Variants in APBB3 observed in about 807,000 individuals in gnomAD.
APBB3 encodes the protein amyloid-beta A4 precursor protein-binding family B member 3.
In APBB3, 50 loss-of-function variants were observed where a neutral mutation model predicts 61.5. That is an observed-to-expected ratio of 0.81 (90% confidence interval 0.65 to 1.03). APBB3 has a LOEUF of 1.03. Ranked by LOEUF, APBB3 falls within the 50% of genes least tolerant of loss-of-function variation. The pLI is 0.00. For missense variants in APBB3, 550 were observed against 637.4 expected (o/e 0.86, Z 1.48); for synonymous variants, 235 against 233.0 (o/e 1.01, Z -0.08).
intron 6 of APBB3, 94 bp from the exon 7 acceptor site, chr5:140,561,943 C>A (rs1290167926): frequency 6.2e-7 from 1 of 1,611,604 alleles, no homozygotes. Flanking sequence ...CCACCCTCCC[C>A]AACCAGGGCT....
chr5:140,562,357 C>G lies in APBB3; in HGVS notation c.494G>C (p.Gly165Ala). 6.2e-7 allele frequency: 1 copy of G among 1,613,944 alleles called. No individual in the cohort carries two copies. The highest frequency in any genetic ancestry group is 8.5e-7 in the Non-Finnish European group (1 of 1,179,898). ...SRSQPPDGAWGEGQNMLMILK... is the reference protein window; with the variant it reads ...SRSQPPDGAWAEGQNMLMILK... ...TAAAGGGCCCAGCCAACTCACCTCA[C>G]CCCAGGCACCATCTGGAGGCTGGCT... Residue 165 changes from glycine (G) to alanine (A), a missense_variant, in exon 5 of 13, where the codon GGT becomes GCT. This residue lies in a region of APBB3 where 405 missense variants were observed against 483.4 expected (regional missense o/e 0.84). Coordinates refer to ENST00000357560, the MANE Select transcript of APBB3 (RefSeq NM_133173.3).
Position 140,558,606 on chromosome 5 carries a change from G to A in APBB3, c.1440C>T (p.Pro480=). ...AAGTTTAGGGCATATGGAGCAGAGA[G>A]GGTTTCAGCCGGAAGGCATCAAGAA... ...FSFLDAFRLK[P]SLLHMP Residue 480 remains proline (P), a synonymous_variant, in exon 13 of 13, where the codon CCC becomes CCT. Transcript: ENST00000357560. 1.2e-6 allele frequency: 2 copies of A among 1,614,190 alleles called. No homozygotes were observed. Among genetic ancestry groups the A allele is most frequent in the South Asian group, 1.1e-5 (1 of 91,074 alleles).
Position 140,558,772 on chromosome 5 carries a change from C to T in APBB3, c.1274G>A (p.Trp425Ter). 1 of 1,610,398 alleles carries T rather than the reference C, an allele frequency of 6.2e-7. No individual in the cohort carries two copies. Among genetic ancestry groups the T allele is most frequent in the Non-Finnish European group, 8.5e-7 (1 of 1,179,082 alleles). The part of the protein sequence containing the change: ...LVASAARGKA[W>*]GAQARARLRL... ...CAGGCGGGCACGGGCCTGGGCACCC[C>T]AGGCCTTGCCTCGAGCTGCAGAGGC... The change falls in exon 13 of 13, where the codon TGG becomes TAG. Residue 425 changes from tryptophan (W) to a stop codon, truncating the protein, a stop_gained. Coordinates refer to ENST00000357560, the MANE Select transcript of APBB3 (RefSeq NM_133173.3). LOFTEE classifies it high-confidence loss of function.
Position 140,560,359 on chromosome 5 carries a change from T to A in APBB3, c.1178A>T (p.Gln393Leu), listed in dbSNP as rs1388548037. Residue 393 changes from glutamine (Q) to leucine (L), a missense_variant, in exon 12 of 13, where the codon CAG becomes CTG. Around this residue, in one of 3 missense-constraint regions of APBB3, gnomAD observed 138 missense variants for 132.6 expected, o/e 1.04. Coordinates refer to ENST00000357560, the MANE Select transcript of APBB3 (RefSeq NM_133173.3). This position sits in a 1 kb window ranked among gnomAD's most constrained non-coding sequence, Gnocchi z 5.1. ...TTCAGAGAGTCCCCCTGCATGGGGC[T>A]GGCACCAGAAGGCTGCGCACTGGAA... ...QSFQCAAFWC[Q>L]PHAGGLSEAV... The A allele has an allele frequency of 6.2e-7, 1 of 1,613,138 alleles. No homozygotes were observed. The highest frequency in any genetic ancestry group is 1.7e-5 in the Admixed American group (1 of 59,968).
At position 140,558,494 on chromosome 5, in the gene APBB3, A is replaced by G. The variant is rs1754795271; in HGVS notation, c.*91T>C. On this transcript the variant is annotated 3_prime_UTR_variant, in exon 13 of 13. Transcript: ENST00000357560. ...CGGAGGGACAGGCAGAGAAGGCTTC[A>G]AGGAGTGACAGGCTATAGGCCTTGA... The G allele has an allele frequency of 1.2e-5, 15 of 1,241,774 alleles. No individual in the cohort carries two copies. Among genetic ancestry groups the G allele is most frequent in the South Asian group, 1.2e-5 (1 of 82,530 alleles). The allele number at this position is 1,241,774 out of a possible 1,614,324, so 76.9% of individuals were successfully genotyped here.
rs994087660 is a variant in APBB3 at position 140,558,616 on chromosome 5, C to T, written c.1430G>A (p.Arg477Gln). Residue 477 changes from arginine (R) to glutamine (Q), a missense_variant, in exon 13 of 13, where the codon CGG becomes CAG. Physicochemically the swap from Arg to Gln is conservative, Grantham distance 43. Transcript: ENST00000357560. ...CATATGGAGCAGAGAGGGTTTCAGCCGGAAGGCATCAAGAAAAGAGAAGAC... is the reference window on the plus strand; with the variant it reads ...CATATGGAGCAGAGAGGGTTTCAGCTGGAAGGCATCAAGAAAAGAGAAGAC... Reference protein sequence around the residue: ...RGVFSFLDAFRLKPSLLHMP With the variant: ...RGVFSFLDAFQLKPSLLHMP 1.9e-5 allele frequency: 30 copies of T among 1,614,026 alleles called. No homozygotes were observed. Among genetic ancestry groups the T allele is most frequent in the Non-Finnish European group, 2.2e-5 (26 of 1,180,020 alleles).
chr5:140,558,448 A>T lies in APBB3; in HGVS notation c.*137T>A. The stretch of plus-strand genomic sequence containing the variant: ...CCGTATAAACAATAAATTGGGCAAT[A>T]AATAGACGGTGGACAAGGATCGGAG... On this transcript the variant is annotated 3_prime_UTR_variant, in exon 13 of 13. Coordinates refer to ENST00000357560, the MANE Select transcript of APBB3 (RefSeq NM_133173.3). 1 of 912,390 alleles carries T rather than the reference A, an allele frequency of 1.1e-6. No homozygotes were observed. The highest frequency in any genetic ancestry group is 1.8e-6 in the Non-Finnish European group (1 of 550,204). 56.5% of individuals were successfully genotyped at this position (912,390 alleles called of 1,614,324 possible). A position where few individuals can be genotyped will look rare whatever the true frequency, so the allele number is the denominator to read the frequency against.
rs1754962844 is a variant in APBB3 at position 140,561,717 on chromosome 5, A to G, written c.633-16T>C. 9.9e-6 allele frequency: 16 copies of G among 1,614,048 alleles called. No individual in the cohort carries two copies. The highest frequency in any genetic ancestry group is 6.6e-5 in the South Asian group (6 of 91,092). ...AGCGAAGTCCCTAGCAGGGGCAGAG[A>G]TGGGGCTGGGGTAGAAGCTGGTTAG... On this transcript the variant is annotated splice_polypyrimidine_tract_variant and intron_variant, in intron 7 of 12. Coordinates refer to ENST00000357560, the MANE Select transcript of APBB3 (RefSeq NM_133173.3).
Position 140,561,075 on chromosome 5 carries a change from CTTGGCTT to C in APBB3, c.852_858del (p.Ser285LeufsTer24). ...TACAGTGCCTCGTACTTCTGAGCAG[CTTGGCTT>C]ACCGCATCCAGCAGCTCCACTGAAA... is the stretch of plus-strand genomic sequence containing the variant. On this transcript the variant is annotated frameshift_variant, in exon 10 of 13. Transcript: ENST00000357560. LOFTEE classifies it high-confidence loss of function. The C allele has an allele frequency of 6.2e-7, 1 of 1,614,078 alleles. No homozygotes were observed. Among genetic ancestry groups the C allele is most frequent in the East Asian group, 2.2e-5 (1 of 44,882 alleles).
Position 140,558,695 on chromosome 5 carries a change from G to A in APBB3, c.1351C>T (p.Pro451Ser), listed in dbSNP as rs753336111. The A allele has an allele frequency of 1.9e-6, 3 of 1,611,952 alleles. No homozygotes were observed. Among genetic ancestry groups the A allele is most frequent in the Non-Finnish European group, 2.5e-6 (3 of 1,179,452 alleles). ...CCGCCAACCCCTCCTTTGAGCAGGG[G>A]GAGGGGCAGGGGACCTCCTGGGGAA... ...MDSPGGPLPL[P>S]LLKGGVGGAG... Residue 451 changes from proline (P) to serine (S), a missense_variant, in exon 13 of 13, where the codon CCC becomes TCC. Pro to Ser is a moderately conservative substitution (Grantham distance 74). This residue lies in a region of APBB3 where 138 missense variants were observed against 132.6 expected (regional missense o/e 1.04). Transcript: ENST00000357560.
chr5:140,563,727 G>C (rs1235216542), intron 2 of APBB3, 25 bp downstream of exon 2: 1 of 1,613,938 alleles, frequency 6.2e-7, no homozygotes, highest in East Asian at 2.2e-5. Flanking sequence ...CATGGGCTCA[G>C]ACCTCCTCCT....
Position 140,564,073 on chromosome 5 carries a change from C to T in APBB3, c.49+124G>A. 6.8e-7 allele frequency: 1 copy of T among 1,478,446 alleles called. No homozygotes were observed. The highest frequency in any genetic ancestry group is 9.2e-7 in the Non-Finnish European group (1 of 1,082,640). The allele number at this position is 1,478,446 out of a possible 1,614,324, so 91.6% of individuals were successfully genotyped here. ...AGACATCACATGTAAAGACCGGGTT[C>T]ATTCGCCCCCTGGTCCCTACACAGA... is the stretch of plus-strand genomic sequence containing the variant. On this transcript the variant is annotated intron_variant, in intron 1 of 12. Transcript: ENST00000357560. The surrounding 1 kb of genome is among the most constrained non-coding windows in gnomAD (Gnocchi z 5.0).
In APBB3 at chr5:140,563,828, T is replaced by C. The variant is rs1411652985; in HGVS notation, c.137A>G (p.Tyr46Cys). 5 of 1,614,030 alleles carry C rather than the reference T, an allele frequency of 3.1e-6. No homozygotes were observed. The highest frequency in any genetic ancestry group is 4.2e-6 in the Non-Finnish European group (5 of 1,180,032). The change falls in exon 2 of 13, where the codon TAC becomes TGC. Residue 46 changes from tyrosine to cysteine, a missense_variant. Physicochemically the swap from Tyr to Cys is radical, Grantham distance 194. This residue lies in a region of APBB3 where 405 missense variants were observed against 483.4 expected (regional missense o/e 0.84). Coordinates refer to ENST00000357560, the MANE Select transcript of APBB3 (RefSeq NM_133173.3). ...RKIHDAAGTY[Y>C]WHVPSGSTQW... is the part of the protein sequence containing the mutation. ...GGTGCTACCGCTGGGTACATGCCAGTAGTAAGTACCTGCAGCATCGTGGAT... is the reference window on the plus strand; with the variant it reads ...GGTGCTACCGCTGGGTACATGCCAGCAGTAAGTACCTGCAGCATCGTGGAT...
chr5:140,558,851 C>G (rs753000293), intron 12 of APBB3, 30 bp from the exon 13 acceptor site: 128 of 1,597,336 alleles, frequency 8.0e-5, no homozygotes, highest in Non-Finnish European at 1.0e-4. Context: ...GAGGATCCAG[C>G]TACTTTCTGC....
Position 140,562,506 on chromosome 5 carries a change from G to A in APBB3, c.352-7C>T, listed in dbSNP as rs1342670150. 6.2e-7 allele frequency: 1 copy of A among 1,613,692 alleles called. No homozygotes were observed. Among genetic ancestry groups the A allele is most frequent in the African/African-American group, 1.3e-5 (1 of 74,922 alleles). ...GAGAGCGGACTGCAAAGCACTGACA[G>A]GTTGGGGGAAGGGACAGGAATTAAT... On this transcript the variant is annotated splice_polypyrimidine_tract_variant and splice_region_variant and intron_variant, in intron 4 of 12. Transcript: ENST00000357560.
In APBB3 at chr5:140,561,437, G is replaced by A. The variant is rs1200620061; in HGVS notation, c.760C>T (p.Arg254Ter). 3.1e-6 allele frequency: 5 copies of A among 1,614,044 alleles called. No individual in the cohort carries two copies. The highest frequency in any genetic ancestry group is 1.3e-5 in the African/African-American group (1 of 74,912). Residue 254 changes from arginine to a stop codon, truncating the protein, a stop_gained, in exon 9 of 13, where the codon CGA (arginine) becomes TGA (stop). Transcript: ENST00000357560. LOFTEE classifies it high-confidence loss of function. ...GAGGCATCACCACTGACCTCTACTC[G>A]CTCTGACAAGATCTAAAACACAATG... is the stretch of plus-strand genomic sequence containing the variant. ...HGLCAQILSERVEVSGDASCC... is the reference protein window; with the variant it reads ...HGLCAQILSE
chr5:140,564,092 ACACAGAGAGG>A lies in APBB3; in HGVS notation c.49+95_49+104del. 10 of 1,539,308 alleles carry A rather than the reference ACACAGAGAGG, an allele frequency of 6.5e-6. No homozygotes were observed. Among genetic ancestry groups the A allele is most frequent in the Non-Finnish European group, 8.9e-6 (10 of 1,124,780 alleles). On this transcript the variant is annotated intron_variant, in intron 1 of 12. Transcript: ENST00000357560. This position sits in a 1 kb window ranked among gnomAD's most constrained non-coding sequence, Gnocchi z 5.0. ...CGGGTTCATTCGCCCCCTGGTCCCT[ACACAGAGAGG>A]TATCCCCCACCGTCTTTGAGCCCCA...
intron 3 of APBB3, 122 bp downstream of exon 3, chr5:140,563,472 A>C: frequency 8.5e-7 from 1 of 1,180,744 alleles, no homozygotes; most frequent in Non-Finnish European, 1.2e-6. Context: ...CCAAGAACGT[A>C]ACAGAACCCA....
At position 140,561,164 on chromosome 5, in the gene APBB3, C is replaced by G. The variant is rs77176684; in HGVS notation, c.833-63G>C. Reference sequence around the variant, plus strand: ...CAATTACCCTTTTCCCCACCCTTCTCAATGGGCCAGGACTCAGGTCAGAGC... The same window carrying G: ...CAATTACCCTTTTCCCCACCCTTCTGAATGGGCCAGGACTCAGGTCAGAGC... On this transcript the variant is annotated intron_variant, in intron 9 of 12. Transcript: ENST00000357560. 4.1e-3 allele frequency: 6,566 copies of G among 1,589,598 alleles called. 231 individuals are homozygous for G. The African/African-American group carries it at 0.075, about 18-fold the overall frequency.
Sources: allele counts gnomAD v4.1 joint callset, GRCh38; gene constraint gnomAD v4.1.1; regional missense constraint gnomAD v4.1.1; non-coding constraint Gnocchi (gnomAD v3.1); transcripts MANE v1.5; gene names NCBI Gene and HGNC (gene_info 2026-07-23, HGNC 2026-07-21).